KLHL32: variants seen among roughly 807,000 people sequenced by gnomAD.
KLHL32 encodes the protein kelch-like protein 32.
A neutral mutation model predicts 64.8 loss-of-function variants in KLHL32; 35 were observed. The observed-to-expected ratio is 0.54, with a 90% CI of 0.41 to 0.72. The LOEUF (loss-of-function observed/expected upper bound fraction) is 0.72, where lower values mean the gene tolerates loss of function less well. KLHL32 is among the 30% of genes least tolerant of loss of function. The probability of loss-of-function intolerance (pLI) is 0.00; values close to 1 mark genes in which losing one functional copy is unlikely to be tolerated. For synonymous variants in KLHL32, 259 were observed against 281.0 expected (o/e 0.92, Z 0.78); for missense variants, 589 against 768.5 (o/e 0.77, Z 2.76).
At chr6:97,087,974 G>T (rs563603859) in intron 6 of KLHL32, among the ~76,000 whole-genome samples, 2 of 152,118 alleles carry the variant, frequency 1.3e-5, no homozygotes, top group African/African-American at 4.8e-5. Flanking sequence ...ACCCCAAGAT[G>T]ATGCCTTGGA....
chr6:97,006,635 T>A (rs1381101787), intron 3 of KLHL32, among the ~76,000 whole-genome samples: 1 of 152,206 alleles, frequency 6.6e-6, no homozygotes, highest in Non-Finnish European at 1.5e-5. Context: ...AGTAATGGTC[T>A]TTGTTTCCAT....
At chr6:96,970,606 T>G (rs1775003707) in intron 2 of KLHL32, among the ~76,000 whole-genome samples, 1 of 152,212 alleles carries the variant, frequency 6.6e-6, no homozygotes, top group Non-Finnish European at 1.5e-5. Flanking sequence ...GCTCACCATT[T>G]TATCCCCAGT....
At chr6:96,899,924 T>C in the KLHL32 span, among the ~76,000 whole-genome samples, 39 of 152,326 alleles carry the variant, frequency 2.6e-4, no homozygotes, top group African/African-American at 9.4e-4. Flanking sequence ...CTTAAGATAC[T>C]AATAAACCCA....
At chr6:97,079,698 A>G (rs948651115) in intron 5 of KLHL32, among the ~76,000 whole-genome samples, 2 of 152,182 alleles carry the variant, frequency 1.3e-5, no homozygotes, top group Non-Finnish European at 2.9e-5. Context: ...CATTCACACT[A>G]TGAGAAACAA....
chr6:96,975,880 A>G, intron 2 of KLHL32, 117 bp from the exon 3 acceptor site: 2 of 608,726 alleles, frequency 3.3e-6, no homozygotes, highest in East Asian at 6.4e-5. Context: ...AGATGGTCAC[A>G]CTCATAGAGT....
At chr6:96,959,022 C>A (rs985894867) in intron 1 of KLHL32, among the ~76,000 whole-genome samples, 3 of 152,124 alleles carry the variant, frequency 2.0e-5, no homozygotes, top group Non-Finnish European at 4.4e-5. Flanking sequence ...GTAAAACAAG[C>A]AAATTATATG....
intron 5 of KLHL32, among the ~76,000 whole-genome samples, chr6:97,069,030 G>A (rs891337018): frequency 6.6e-6 from 1 of 151,586 alleles, no homozygotes; most frequent in Non-Finnish European, 1.5e-5. Flanking sequence ...AACAGAGAAG[G>A]GGGGGGTCTG....
At chr6:97,105,820 A>G (rs1796336907) in intron 6 of KLHL32, among the ~76,000 whole-genome samples, 1 of 152,160 alleles carries the variant, frequency 6.6e-6, no homozygotes, top group Non-Finnish European at 1.5e-5. Flanking sequence ...ATTCTTTGTT[A>G]GCATTGCTTT....
intron 4 of KLHL32, among the ~76,000 whole-genome samples, chr6:97,047,166 C>G (rs184748920): frequency 1.3e-5 from 2 of 152,294 alleles, no homozygotes; most frequent in East Asian, 3.9e-4. Context: ...AAAGAAAAAG[C>G]AAATTTTCCT....
chr6:97,070,335 A>G (rs1479554543), intron 5 of KLHL32, among the ~76,000 whole-genome samples: 2 of 152,240 alleles, frequency 1.3e-5, no homozygotes, highest in African/African-American at 2.4e-5. Context: ...ATTTGTTCTA[A>G]TCAAGAGTAT....
intron 5 of KLHL32, among the ~76,000 whole-genome samples, chr6:97,081,871 G>A (rs1278584355): frequency 6.6e-6 from 1 of 152,202 alleles, no homozygotes; most frequent in African/African-American, 2.4e-5. Flanking sequence ...CTGGCACATG[G>A]TGTGAATGTG....
At chr6:97,051,621 A>G (rs1786923736) in intron 4 of KLHL32, among the ~76,000 whole-genome samples, 1 of 152,222 alleles carries the variant, frequency 6.6e-6, no homozygotes, top group African/African-American at 2.4e-5. Flanking sequence ...CACAGAAATC[A>G]TTACAACTTT....
rs1800437826 is a variant in KLHL32 at position 97,139,363 on chromosome 6, C to T, written c.*81C>T. The T allele has an allele frequency of 8.3e-7, 1 of 1,202,728 alleles. No homozygotes were observed. The highest frequency in any genetic ancestry group is 1.2e-6 in the Non-Finnish European group (1 of 852,202). 74.5% of individuals were successfully genotyped at this position (1,202,728 alleles called of 1,614,324 possible). A position where few individuals can be genotyped will look rare whatever the true frequency, so the allele number is the denominator to read the frequency against. On this transcript the variant is annotated 3_prime_UTR_variant, in exon 11 of 11. Transcript: ENST00000369261. ...GCATGAAAAGACTCAGTGCTCCATGCTTCCTTGTCTTGCTTTATAGGTCTT... is the reference window on the plus strand; with the variant it reads ...GCATGAAAAGACTCAGTGCTCCATGTTTCCTTGTCTTGCTTTATAGGTCTT...
intron 5 of KLHL32, among the ~76,000 whole-genome samples, chr6:97,073,165 C>T (rs897046972): frequency 6.6e-5 from 10 of 152,278 alleles, no homozygotes; most frequent in African/African-American, 1.2e-4. Flanking sequence ...TGTCTTCCCT[C>T]ATTTCTGGAA....
intron 3 of KLHL32, among the ~76,000 whole-genome samples, chr6:97,000,245 G>A (rs1249719827): frequency 6.6e-6 from 1 of 152,182 alleles, no homozygotes. Flanking sequence ...CTCTAAGGGT[G>A]TTATATAAAA....
intron 1 of KLHL32, among the ~76,000 whole-genome samples, chr6:96,947,855 G>C (rs1358418234): frequency 1.3e-5 from 2 of 152,110 alleles, no homozygotes; most frequent in African/African-American, 4.8e-5. Context: ...AGTGGCTGGG[G>C]ATTTAAACCT....
intron 3 of KLHL32, among the ~76,000 whole-genome samples, chr6:97,029,565 A>G (rs76605847): frequency 0.018 from 2,703 of 152,306 alleles, 80 homozygotes; most frequent in African/African-American, 0.062. Flanking sequence ...AAACAATTGT[A>G]AAGAGGAAAG....
At chr6:97,012,940 G>A (rs779724718) in intron 3 of KLHL32, among the ~76,000 whole-genome samples, 1 of 152,134 alleles carries the variant, frequency 6.6e-6, no homozygotes, top group Non-Finnish European at 1.5e-5. Flanking sequence ...AGCACTCTAA[G>A]TCCAAAAGAG....
intron 10 of KLHL32, 46 bp downstream of exon 10, chr6:97,132,793 G>A (rs375137363): frequency 9.5e-6 from 13 of 1,366,770 alleles, no homozygotes; most frequent in African/African-American, 7.3e-5. Flanking sequence ...GTGGTTCAGC[G>A]AGGTTACATT....
Sources: gnomAD v4.1 joint callset for allele counts (sites outside exome capture counted in the v4.1 genomes callset) on GRCh38, gnomAD v4.1.1 for gene constraint, MANE v1.5 for transcripts, NCBI Gene and HGNC (gene_info 2026-07-23, HGNC 2026-07-21) for gene names.